Variants in CDC42SE2 observed in about 807,000 individuals in gnomAD.
CDC42SE2 encodes the protein CDC42 small effector protein 2.
Under a neutral mutation model 11.5 loss-of-function variants are expected in CDC42SE2, and 3 were observed. The ratio of observed to expected loss-of-function variants is 0.26; its 90% confidence interval spans 0.12 to 0.67. The LOEUF is 0.67. Among genes scored for constraint, CDC42SE2 ranks in the 30% least tolerant of loss-of-function variants. The pLI, the probability that CDC42SE2 is intolerant of heterozygous loss-of-function variation, is 0.80. For synonymous variants in CDC42SE2, 33 were observed against 34.8 expected (o/e 0.95, Z 0.18); for missense variants, 82 against 106.8 (o/e 0.77, Z 1.02).
the CDC42SE2 span, among the ~76,000 whole-genome samples, chr5:131,233,771 T>G: frequency 1.3e-5 from 2 of 152,238 alleles, no homozygotes; most frequent in African/African-American, 4.8e-5. Flanking sequence ...AGGGCATGTA[T>G]GTTTTAATTT....
chr5:131,211,129 G>A, the CDC42SE2 span, among the ~76,000 whole-genome samples: 4 of 152,152 alleles, frequency 2.6e-5, no homozygotes, highest in Non-Finnish European at 4.4e-5. Flanking sequence ...GAGCCACCGC[G>A]CCCTGCCATC....
At chr5:131,285,686 AC>A (rs1310412443) in intron 1 of CDC42SE2, among the ~76,000 whole-genome samples, 18 of 152,212 alleles carry the variant, frequency 1.2e-4, no homozygotes, top group Admixed American at 9.2e-4. Flanking sequence ...TTTGGTACTT[AC>A]AAAATCATTG....
rs141334434 is a variant in CDC42SE2 at position 131,385,559 on chromosome 5, T to C, written c.71T>C (p.Ile24Thr). ...ATATTTTAGAAAAGGCGACGGCGGA[T>C]TGACAGAAGTATGATTGGAGAGCCC... ...EQPQPKRRRR[I>T]DRSMIGEPTN... The change falls in exon 4 of 5, where the codon ATT becomes ACT. Residue 24 changes from isoleucine (I) to threonine (T), a missense_variant. Transcript: ENST00000505065. 1 of 1,613,670 alleles carries C rather than the reference T, an allele frequency of 6.2e-7. No homozygotes were observed. Among genetic ancestry groups the C allele is most frequent in the East Asian group, 2.2e-5 (1 of 44,864 alleles).
At chr5:131,375,521 C>G (rs1292168904) in intron 3 of CDC42SE2, among the ~76,000 whole-genome samples, 1 of 152,104 alleles carries the variant, frequency 6.6e-6, no homozygotes, top group Admixed American at 6.5e-5. Flanking sequence ...TATGGTGTGA[C>G]TCTCATCTCC....
chr5:131,310,971 T>C (rs1005275594), intron 1 of CDC42SE2, among the ~76,000 whole-genome samples: 2 of 151,516 alleles, frequency 1.3e-5, no homozygotes, highest in African/African-American at 4.9e-5. Flanking sequence ...TGTGTGAATT[T>C]GATCCTGTCA....
At chr5:131,300,270 G>A (rs1191907630) in intron 1 of CDC42SE2, among the ~76,000 whole-genome samples, 1 of 152,142 alleles carries the variant, frequency 6.6e-6, no homozygotes, top group Non-Finnish European at 1.5e-5. Context: ...AGGTTGCCAA[G>A]CACCTGGATA....
chr5:131,369,491 G>A (rs931991674), intron 3 of CDC42SE2, among the ~76,000 whole-genome samples: 1 of 152,152 alleles, frequency 6.6e-6, no homozygotes, highest in African/African-American at 2.4e-5. Context: ...CCAAGCAAAA[G>A]CAAATTCTTT....
chr5:131,320,885 AT>A (rs1451247564), intron 2 of CDC42SE2, among the ~76,000 whole-genome samples: 2 of 152,166 alleles, frequency 1.3e-5, no homozygotes, highest in Non-Finnish European at 1.5e-5. Flanking sequence ...GGAGAAAATT[AT>A]TTTTTTTCTT....
intron 1 of CDC42SE2, among the ~76,000 whole-genome samples, chr5:131,249,917 G>A (rs1011484575): frequency 5.3e-5 from 8 of 152,100 alleles, no homozygotes; most frequent in African/African-American, 1.4e-4. Flanking sequence ...ATCATTTTAC[G>A]TTTATTCAAA....
intron 1 of CDC42SE2, among the ~76,000 whole-genome samples, chr5:131,300,203 G>A (rs1050505094): frequency 6.6e-6 from 1 of 152,138 alleles, no homozygotes; most frequent in Non-Finnish European, 1.5e-5. Context: ...AATAAGATTT[G>A]AAAAACATGC....
At chr5:131,356,494 AG>A (rs1749551939) in intron 2 of CDC42SE2, among the ~76,000 whole-genome samples, 2 of 152,364 alleles carry the variant, frequency 1.3e-5, no homozygotes, top group Non-Finnish European at 2.9e-5. Flanking sequence ...CACATTCCAA[AG>A]CATGTCTGAA....
intron 1 of CDC42SE2, among the ~76,000 whole-genome samples, chr5:131,249,395 A>T (rs867536429): frequency 2.6e-5 from 4 of 152,346 alleles, no homozygotes; most frequent in South Asian, 4.1e-4. Flanking sequence ...ACTAAAATTA[A>T]TAAGATGGTG....
chr5:131,232,558 C>G, the CDC42SE2 span, among the ~76,000 whole-genome samples: 1 of 151,478 alleles, frequency 6.6e-6, no homozygotes, highest in Admixed American at 6.6e-5. Flanking sequence ...CATGATGAAA[C>G]CCCATCTCTA....
chr5:131,212,818 G>A, the CDC42SE2 span, among the ~76,000 whole-genome samples: 51 of 152,260 alleles, frequency 3.3e-4, no homozygotes, highest in Non-Finnish European at 5.6e-4. Context: ...ATTGAAGGAA[G>A]ACTTGCTGAT....
intron 2 of CDC42SE2, among the ~76,000 whole-genome samples, chr5:131,345,279 A>C (rs1222003191): frequency 1.3e-5 from 2 of 152,182 alleles, no homozygotes; most frequent in African/African-American, 2.4e-5. Flanking sequence ...CGAATGGCTA[A>C]CTAGAAAAAC....
At chr5:131,360,162 C>T (rs942957838) in intron 3 of CDC42SE2, among the ~76,000 whole-genome samples, 2 of 152,194 alleles carry the variant, frequency 1.3e-5, no homozygotes, top group African/African-American at 4.8e-5. Flanking sequence ...CTCTTATTGC[C>T]CAGGCTGGAG....
chr5:131,265,586 T>G (rs1207741882), intron 1 of CDC42SE2, among the ~76,000 whole-genome samples: 1 of 152,230 alleles, frequency 6.6e-6, no homozygotes, highest in Non-Finnish European at 1.5e-5. Context: ...CAAAGTTATT[T>G]CCTTATTATT....
chr5:131,371,870 C>T (rs986230709), intron 3 of CDC42SE2, among the ~76,000 whole-genome samples: 1 of 152,286 alleles, frequency 6.6e-6, no homozygotes, highest in East Asian at 1.9e-4. Flanking sequence ...TTTCAGAAAG[C>T]GTTTCTTGCT....
chr5:131,230,573 C>T, the CDC42SE2 span, among the ~76,000 whole-genome samples: 1 of 152,184 alleles, frequency 6.6e-6, no homozygotes, highest in Admixed American at 6.5e-5. Flanking sequence ...TCTCCCTTTG[C>T]CACCTTTTAA....
Sources: allele counts gnomAD v4.1 joint callset (sites outside exome capture counted in the v4.1 genomes callset), GRCh38; gene constraint gnomAD v4.1.1; transcripts MANE v1.5; gene names NCBI Gene and HGNC (gene_info 2026-07-23, HGNC 2026-07-21).